The following LSAMP variants were observed in gnomAD, a reference collection of about 807,000 sequenced individuals.
LSAMP encodes the protein limbic system associated membrane protein.
LSAMP carries 7 observed loss-of-function variants against 38.6 expected under a neutral mutation model. That is an observed-to-expected ratio of 0.18 (90% CI 0.10 to 0.34). The LOEUF is 0.34. Ranked by LOEUF, LSAMP falls within the 10% of genes least tolerant of loss-of-function variation. The probability of loss-of-function intolerance (pLI) is 1.00; values close to 1 mark genes in which losing one functional copy is unlikely to be tolerated. For synonymous variants in LSAMP, 154 were observed against 166.8 expected, an observed-to-expected ratio of 0.92 and a Z score of 0.59; for missense variants, 313 against 420.0, an observed-to-expected ratio of 0.75 and a Z score of 2.23.
chr3:116,033,016 C>T (rs1940963828), intron 2 of LSAMP, among the ~76,000 whole-genome samples: 1 of 151,960 alleles, frequency 6.6e-6, no homozygotes, highest in Non-Finnish European at 1.5e-5. Context: ...AGTTTTTTTC[C>T]TGCATTATTC....
chr3:116,199,419 TGTTA>T (rs1349635086), intron 1 of LSAMP, among the ~76,000 whole-genome samples: 7 of 152,322 alleles, frequency 4.6e-5, no homozygotes, highest in African/African-American at 1.7e-4. Context: ...CACAATATTA[TGTTA>T]GTTCATTTGC....
At chr3:116,009,639 AG>A (rs1167871655) in intron 3 of LSAMP, among the ~76,000 whole-genome samples, 2 of 152,300 alleles carry the variant, frequency 1.3e-5, no homozygotes, top group East Asian at 1.9e-4. Flanking sequence ...TGGCCACAAA[AG>A]TTATGCTACA....
intron 1 of LSAMP, among the ~76,000 whole-genome samples, chr3:116,404,343 T>G (rs2048876005): frequency 1.3e-5 from 2 of 152,170 alleles, no homozygotes; most frequent in African/African-American, 2.4e-5. Flanking sequence ...ACTTTTCCCC[T>G]GCTTTGGAAG....
At chr3:116,169,328 G>C (rs543919211) in intron 1 of LSAMP, among the ~76,000 whole-genome samples, 21 of 152,328 alleles carry the variant, frequency 1.4e-4, no homozygotes, top group African/African-American at 5.1e-4. Flanking sequence ...TGGCTGTAGT[G>C]AATCTAGAAG....
At chr3:115,978,878 G>A (rs1939270059) in intron 3 of LSAMP, among the ~76,000 whole-genome samples, 1 of 152,096 alleles carries the variant, frequency 6.6e-6, no homozygotes, top group Non-Finnish European at 1.5e-5. Flanking sequence ...TAGGAAGAAA[G>A]CAGTGATAGC....
intron 3 of LSAMP, among the ~76,000 whole-genome samples, chr3:115,863,003 C>A (rs1055638220): frequency 6.6e-6 from 1 of 152,162 alleles, no homozygotes; most frequent in African/African-American, 2.4e-5. Flanking sequence ...GCTATGAGGC[C>A]AGTGGGCCAA....
At chr3:115,824,211 C>T (rs1314195737) in intron 6 of LSAMP, among the ~76,000 whole-genome samples, 2 of 152,006 alleles carry the variant, frequency 1.3e-5, no homozygotes, top group Non-Finnish European at 2.9e-5. Flanking sequence ...TAGATAAATC[C>T]CAGAAGTAAA....
intron 1 of LSAMP, among the ~76,000 whole-genome samples, chr3:116,337,809 A>G (rs568393115): frequency 2.0e-5 from 3 of 152,186 alleles, no homozygotes; most frequent in Admixed American, 2.0e-4. Flanking sequence ...CAATGGAGTC[A>G]GTGAGCAACT....
intron 6 of LSAMP, among the ~76,000 whole-genome samples, chr3:115,829,395 G>A (rs1041500696): frequency 6.6e-6 from 1 of 152,174 alleles, no homozygotes; most frequent in Non-Finnish European, 1.5e-5. Flanking sequence ...AATTAGGTAT[G>A]AAGGTCAACT....
intron 1 of LSAMP, among the ~76,000 whole-genome samples, chr3:116,365,836 G>T (rs1226097687): frequency 1.1e-5 from 1 of 91,958 alleles, no homozygotes; most frequent in Non-Finnish European, 2.0e-5. Context: ...ACACAGGAAG[G>T]GGAATATCAC....
intron 1 of LSAMP, chr3:116,369,915 A>C (rs2048408319): frequency 1.3e-5 from 2 of 152,700 alleles, no homozygotes; most frequent in South Asian, 4.1e-4. Context: ...GCGAGCCAAC[A>C]AGAGAGGCCT....
At chr3:115,857,141 C>T (rs1386769586) in intron 3 of LSAMP, among the ~76,000 whole-genome samples, 1 of 152,214 alleles carries the variant, frequency 6.6e-6, no homozygotes, top group East Asian at 1.9e-4. Flanking sequence ...GTTTTGGAAA[C>T]CAACAGAGCT....
At chr3:116,327,787 T>G (rs563004406) in intron 1 of LSAMP, among the ~76,000 whole-genome samples, 145 of 152,192 alleles carry the variant, frequency 9.5e-4, no homozygotes, top group Non-Finnish European at 1.7e-3. Flanking sequence ...TGAGGTAAAA[T>G]AAAAGAAAAC....
rs146347521 is a variant in LSAMP, at chr3:115,875,403, T to C, written c.515-22786A>G. Among the ~76,000 whole-genome samples the C allele has an allele frequency of 9.3e-3, 1,420 of 152,244 alleles. 9 individuals are homozygous for C. Among genetic ancestry groups the C allele is most frequent in the Non-Finnish European group, 0.015 (1,008 of 67,992 alleles). ...CTGCATTTTATTTTAACGAATGTGA[T>C]GGGTTATCAAAATTGCTGCACTGTA... On this transcript the variant is annotated intron_variant, in intron 3 of 6. Transcript: ENST00000490035.
chr3:116,096,765 C>T (rs999483715), intron 1 of LSAMP, among the ~76,000 whole-genome samples: 8 of 152,162 alleles, frequency 5.3e-5, no homozygotes, highest in African/African-American at 1.2e-4. Flanking sequence ...AATTGGAGTT[C>T]CACCTGAATT....
intron 3 of LSAMP, among the ~76,000 whole-genome samples, chr3:115,919,011 A>G (rs1426226157): frequency 6.6e-6 from 1 of 152,124 alleles, no homozygotes; most frequent in East Asian, 1.9e-4. Context: ...ACTATCTACA[A>G]TATCTCTTGG....
chr3:115,826,397 C>A (rs562857680), intron 6 of LSAMP, among the ~76,000 whole-genome samples: 1 of 152,228 alleles, frequency 6.6e-6, no homozygotes, highest in East Asian at 1.9e-4. Flanking sequence ...TGAGCCACCA[C>A]GCCTGGCCTG....
chr3:115,974,148 C>A (rs1398743168), intron 3 of LSAMP, among the ~76,000 whole-genome samples: 2 of 151,994 alleles, frequency 1.3e-5, no homozygotes, highest in African/African-American at 2.4e-5. Context: ...AGCTCCAGAC[C>A]AGCCTGGCCA....
intron 1 of LSAMP, among the ~76,000 whole-genome samples, chr3:116,162,719 AGT>A (rs952224234): frequency 1.2e-4 from 18 of 149,642 alleles, no homozygotes; most frequent in African/African-American, 3.7e-4. Flanking sequence ...GTGAAAGCAA[AGT>A]GTGTGAGAGT....
Sources: allele counts gnomAD v4.1 joint callset (sites outside exome capture counted in the v4.1 genomes callset), GRCh38; gene constraint gnomAD v4.1.1; transcripts MANE v1.5; gene names NCBI Gene and HGNC (gene_info 2026-07-23, HGNC 2026-07-21).